The following PCDH7 variants were observed in gnomAD, a reference collection of about 807,000 sequenced individuals.
PCDH7 encodes protocadherin-7.
Under a neutral mutation model 58.9 loss-of-function variants are expected in PCDH7, and 17 were observed. The observed-to-expected ratio is 0.29, with a 90% CI of 0.20 to 0.43. PCDH7 has a LOEUF of 0.43. Ranked by LOEUF, PCDH7 falls within the 20% of genes least tolerant of loss-of-function variation. PCDH7 has a pLI of 1.00. For missense variants in PCDH7, 1,274 were observed against 1,441.0 expected (o/e 0.88, Z 1.88); for synonymous variants, 664 against 616.4 (o/e 1.08, Z -1.14).
At chr4:30,734,545 T>C (rs781588911), downstream of PCDH7, among the ~76,000 whole-genome samples, 61 of 152,186 alleles carry the variant, frequency 4.0e-4, no homozygotes, top group Non-Finnish European at 7.5e-4. Flanking sequence ...TAATTTTCTG[T>C]ATCTTTAATA....
chr4:30,799,637 G>T (rs1725268552), intron 1 of PCDH7, among the ~76,000 whole-genome samples: 1 of 151,724 alleles, frequency 6.6e-6, no homozygotes, highest in African/African-American at 2.4e-5. Context: ...GTGGGAATAT[G>T]GTCTTTAACA....
intron 3 of PCDH7, among the ~76,000 whole-genome samples, chr4:31,002,651 T>C (rs1229002399): frequency 1.3e-5 from 2 of 152,212 alleles, no homozygotes; most frequent in Non-Finnish European, 2.9e-5. Context: ...TAAATAAAAC[T>C]ATGCTTTAGC....
At chr4:31,117,968 G>A (rs1317174034) in intron 3 of PCDH7, among the ~76,000 whole-genome samples, 1 of 152,064 alleles carries the variant, frequency 6.6e-6, no homozygotes, top group African/African-American at 2.4e-5. Flanking sequence ...TTAATTTATT[G>A]CAATTATCTT....
chr4:30,900,504 G>A (rs903153291), intron 1 of PCDH7, among the ~76,000 whole-genome samples: 11 of 152,120 alleles, frequency 7.2e-5, no homozygotes, highest in African/African-American at 2.7e-4. Context: ...AAGCACCAGG[G>A]ATTTTAATTG....
Position 30,827,670 on chromosome 4 carries a change from A to G in PCDH7, c.71-92483A>G, listed in dbSNP as rs542324101. On this transcript the variant is annotated intron_variant, in intron 1 of 3. Transcript: ENST00000509759. Reference sequence around the variant, plus strand: ...TATGCCTACAAGGCCATCAATCTACATAGACAGTTGTGCATGCAGTACATA... The same window carrying G: ...TATGCCTACAAGGCCATCAATCTACGTAGACAGTTGTGCATGCAGTACATA... Among the ~76,000 whole-genome samples the G allele has an allele frequency of 2.0e-5, 3 of 152,300 alleles. No individual in the cohort carries two copies. In the East Asian group the frequency reaches 5.8e-4, roughly 29 times the overall value.
At chr4:30,837,139 G>A (rs1174176234) in intron 1 of PCDH7, among the ~76,000 whole-genome samples, 1 of 152,026 alleles carries the variant, frequency 6.6e-6, no homozygotes, top group East Asian at 1.9e-4. Context: ...ATGATTGTAT[G>A]ATAAGTAGTG....
chr4:30,722,162 A>C lies in PCDH7; in HGVS notation c.740A>C (p.Gln247Pro). Residue 247 changes from glutamine to proline, a missense_variant, in exon 1 of 2, where the codon CAG becomes CCG. Gln to Pro is a moderately conservative substitution (Grantham distance 76). This residue lies in a region of PCDH7 where 331 missense variants were observed against 303.2 expected (regional missense o/e 1.09). Coordinates refer to ENST00000361762, the Ensembl canonical transcript of PCDH7. The surrounding 1 kb of genome is among the most constrained non-coding windows in gnomAD (Gnocchi z 7.6). ...GGCCGCAGCAGCGTGTTCGAGCTGCAGGTGGCGGACACCCCGGACGGCGAG... is the reference window on the plus strand; with the variant it reads ...GGCCGCAGCAGCGTGTTCGAGCTGCCGGTGGCGGACACCCCGGACGGCGAG... 6.6e-7 allele frequency: 1 copy of C among 1,526,162 alleles called. No homozygotes were observed. The highest frequency in any genetic ancestry group is 8.8e-7 in the Non-Finnish European group (1 of 1,138,208). 94.5% of individuals were successfully genotyped at this position (1,526,162 alleles called of 1,614,324 possible).
chr4:30,869,132 A>C (rs1011087061), intron 1 of PCDH7: 2 of 152,068 alleles, frequency 1.3e-5, no homozygotes, highest in Admixed American at 6.6e-5. Context: ...CTGATCACGC[A>C]GCAGCATGCC....
rs575290951 is a variant in PCDH7, at chr4:30,982,744, A to C, written c.*7+32529A>C. On this transcript the variant is annotated intron_variant, in intron 3 of 3. Transcript: ENST00000509759. ...TACTTTACTGACCTCACCACATTTA[A>C]CAGTAACTGCATCCACTCTTTCCGT... Among the ~76,000 whole-genome samples, 185 of 152,020 alleles carry C rather than the reference A, an allele frequency of 1.2e-3. 1 individual carries two copies. Among genetic ancestry groups the C allele is most frequent in the Non-Finnish European group, 1.8e-3 (124 of 67,966 alleles).
chr4:31,112,228 C>A (rs2109312727), intron 3 of PCDH7, among the ~76,000 whole-genome samples: 1 of 152,130 alleles, frequency 6.6e-6, no homozygotes, highest in Non-Finnish European at 1.5e-5. Flanking sequence ...TCTGTCTTTC[C>A]TTAAGCAAAC....
At chr4:30,787,081 A>C (rs1428878649) in intron 1 of PCDH7, among the ~76,000 whole-genome samples, 2 of 152,128 alleles carry the variant, frequency 1.3e-5, no homozygotes, top group Non-Finnish European at 2.9e-5. Context: ...GGGAAACAGA[A>C]TCAGATATCG....
At chr4:31,027,075 T>C (rs1754496247) in intron 3 of PCDH7, among the ~76,000 whole-genome samples, 1 of 152,200 alleles carries the variant, frequency 6.6e-6, no homozygotes, top group South Asian at 2.1e-4. Context: ...AAACTTTCGT[T>C]CATGATTTGC....
chr4:30,768,703 C>G (rs1721041592), intron 1 of PCDH7, among the ~76,000 whole-genome samples: 2 of 152,302 alleles, frequency 1.3e-5, no homozygotes, highest in South Asian at 4.1e-4. Context: ...TGTACATTTT[C>G]TGTCTTATCC....
At chr4:30,824,133 T>TTCTC (rs1728784433) in intron 1 of PCDH7, among the ~76,000 whole-genome samples, 5 of 147,306 alleles carry the variant, frequency 3.4e-5, no homozygotes, top group African/African-American at 1.3e-4. Flanking sequence ...CTTTCTTTCT[T>TTCTC]TCTTTCTTTC....
intron 1 of PCDH7, among the ~76,000 whole-genome samples, chr4:30,876,310 T>G (rs773213923): frequency 5.8e-4 from 88 of 151,806 alleles, no homozygotes; most frequent in Middle Eastern, 3.2e-3. Flanking sequence ...AAATGTGTAT[T>G]TATTTGGGGC....
chr4:31,002,516 C>T (rs1752436180), intron 3 of PCDH7, among the ~76,000 whole-genome samples: 1 of 152,012 alleles, frequency 6.6e-6, no homozygotes. Flanking sequence ...AGATTTTTTG[C>T]AATGATGCTA....
intron 3 of PCDH7, among the ~76,000 whole-genome samples, chr4:31,010,465 T>A (rs1753085390): frequency 6.6e-6 from 1 of 151,884 alleles, no homozygotes; most frequent in Admixed American, 6.6e-5. Flanking sequence ...TCTAAAAAAA[T>A]TGGAAAAGGT....
intron 3 of PCDH7, among the ~76,000 whole-genome samples, chr4:31,070,737 A>G (rs1374339141): frequency 6.6e-6 from 1 of 152,110 alleles, no homozygotes; most frequent in African/African-American, 2.4e-5. Flanking sequence ...CTATAACAAC[A>G]TTCATAAAAA....
intron 3 of PCDH7, among the ~76,000 whole-genome samples, chr4:31,072,714 G>A (rs1758654502): frequency 6.6e-6 from 1 of 152,090 alleles, no homozygotes; most frequent in Non-Finnish European, 1.5e-5. Flanking sequence ...TTATTGGAAT[G>A]TGTCAAATAT....
Sources: gnomAD v4.1 joint callset for allele counts (sites outside exome capture counted in the v4.1 genomes callset) on GRCh38, gnomAD v4.1.1 for gene constraint, gnomAD v4.1.1 regional missense constraint, Gnocchi (gnomAD v3.1) non-coding constraint, MANE v1.5 for transcripts, NCBI Gene and HGNC (gene_info 2026-07-23, HGNC 2026-07-21) for gene names.